Variants in NXPE1 observed in about 807,000 individuals in gnomAD.
The protein encoded by NXPE1 is neurexophilin and PC-esterase domain family member 1, also known as NXPE family member 1.
A neutral mutation model predicts 33.3 loss-of-function variants in NXPE1; 31 were observed. The observed-to-expected ratio is 0.93, with a 90% confidence interval of 0.70 to 1.26. The LOEUF is 1.26. Ranked by LOEUF, NXPE1 falls within the 50% of genes most tolerant of loss-of-function variation. The pLI is 0.00. For missense variants in NXPE1, 661 were observed against 655.6 expected (o/e 1.01, Z -0.09); for synonymous variants, 229 against 231.4 (o/e 0.99, Z 0.09).
intron 7 of NXPE1, among the ~76,000 whole-genome samples, chr11:114,524,275 TG>T (rs1947301203): frequency 6.7e-6 from 1 of 148,636 alleles, no homozygotes; most frequent in Non-Finnish European, 1.5e-5. Context: ...TAGCCACAAC[TG>T]GTTTCTATTA....
chr11:114,520,739 C>G (rs919462166), downstream of NXPE1, among the ~76,000 whole-genome samples: 1 of 152,050 alleles, frequency 6.6e-6, no homozygotes, highest in Non-Finnish European at 1.5e-5. Context: ...ATGAGAGTTC[C>G]CTTTGTGTGT....
At chr11:114,553,947 G>C in intron 1 of NXPE1, 1 of 985,358 alleles carries the variant, frequency 1.0e-6, no homozygotes, top group Non-Finnish European at 1.2e-6. Flanking sequence ...TGGGAGAGCA[G>C]GTTTGTCAGT....
At chr11:114,547,827 T>A (rs1240365866) in intron 5 of NXPE1, among the ~76,000 whole-genome samples, 1 of 152,114 alleles carries the variant, frequency 6.6e-6, no homozygotes. Flanking sequence ...ATCTGAATAA[T>A]ATATGGACTT....
At position 114,527,915 on chromosome 11, in the gene NXPE1, A is replaced by AG; in HGVS notation, c.834-15_834-14insC. The AG allele has an allele frequency of 7.8e-6, 12 of 1,531,586 alleles. No individual in the cohort carries two copies. The highest frequency in any genetic ancestry group is 1.1e-5 in the Non-Finnish European group (12 of 1,116,000). 94.9% of individuals were successfully genotyped at this position (1,531,586 alleles called of 1,614,324 possible). ...CCCACTTTGGACCTTCAAAAAAAAA[A>AG]TAGAACAATAAATTAGCCTGCTCTC... On this transcript the variant is annotated splice_polypyrimidine_tract_variant and intron_variant, in intron 6 of 8. Coordinates refer to ENST00000534921, the Ensembl canonical transcript of NXPE1.
chr11:114,522,170 C>T (rs1947229675), exon 9 of NXPE1: 5 of 1,613,908 alleles, frequency 3.1e-6, no homozygotes, highest in Non-Finnish European at 3.4e-6. Flanking sequence ...GTGCATCTCC[C>T]TGATGTTTTC....
chr11:114,552,291 A>G (rs78951471), intron 2 of NXPE1, among the ~76,000 whole-genome samples: 1 of 152,160 alleles, frequency 6.6e-6, no homozygotes, highest in Non-Finnish European at 1.5e-5. Flanking sequence ...TGTTGAGACC[A>G]AATGAATGAA....
At chr11:114,555,735 A>G (rs1948633593) in intron 1 of NXPE1, among the ~76,000 whole-genome samples, 1 of 152,106 alleles carries the variant, frequency 6.6e-6, no homozygotes, top group African/African-American at 2.4e-5. Flanking sequence ...GGCACTACAG[A>G]TGAGATTTCT....
intron 5 of NXPE1, among the ~76,000 whole-genome samples, chr11:114,542,464 T>A (rs1050651064): frequency 7.9e-5 from 12 of 152,180 alleles, no homozygotes; most frequent in African/African-American, 2.9e-4. Context: ...TATATTTATT[T>A]ACAGAAATAA....
intron 7 of NXPE1, 27 bp from the exon 8 acceptor site, chr11:114,523,118 T>C: frequency 6.5e-7 from 1 of 1,545,492 alleles, no homozygotes; most frequent in South Asian, 1.1e-5. Context: ...TCGTAAATGA[T>C]TTTATTGGCA....
intron 6 of NXPE1, among the ~76,000 whole-genome samples, chr11:114,528,625 A>G (rs1947456051): frequency 6.6e-6 from 1 of 152,166 alleles, no homozygotes; most frequent in African/African-American, 2.4e-5. Context: ...TAATAAATGT[A>G]CCTTACATTT....
chr11:114,543,500 T>C (rs966820608), intron 5 of NXPE1, among the ~76,000 whole-genome samples: 1 of 148,780 alleles, frequency 6.7e-6, no homozygotes, highest in Non-Finnish European at 1.5e-5. Flanking sequence ...CAGCCTGGGG[T>C]ACAGAGTGAG....
At position 114,551,363 on chromosome 11, in the gene NXPE1, C is replaced by A. The variant is rs1948476452; in HGVS notation, c.-11+20G>T. The A allele has an allele frequency of 2.1e-6, 3 of 1,403,174 alleles. No homozygotes were observed. The highest frequency in any genetic ancestry group is 1.6e-5 in the South Asian group (1 of 60,736). 86.9% of individuals were successfully genotyped at this position (1,403,174 alleles called of 1,614,324 possible). ...TCCCTCTGCTAACTAACAACTCATACCCCCAATCCCTTTGTCTACCTATTG... is the reference window on the plus strand; with the variant it reads ...TCCCTCTGCTAACTAACAACTCATAACCCCAATCCCTTTGTCTACCTATTG... On this transcript the variant is annotated intron_variant, in intron 4 of 8. Coordinates refer to ENST00000534921, the Ensembl canonical transcript of NXPE1.
intron 1 of NXPE1, chr11:114,553,622 T>G (rs1948577711): frequency 1.4e-6 from 1 of 704,536 alleles, no homozygotes; most frequent in Non-Finnish European, 1.7e-6. Context: ...CATAAGTAAC[T>G]GCAAATCAGA....
chr11:114,529,559 C>CG (rs1343615268), intron 6 of NXPE1: 1 of 151,796 alleles, frequency 6.6e-6, no homozygotes, highest in African/African-American at 2.4e-5. Context: ...GCCTGTTGAA[C>CG]CAGGGGTTTG....
intron 5 of NXPE1, among the ~76,000 whole-genome samples, chr11:114,542,224 A>AAAAT (rs1948123088): frequency 6.6e-6 from 1 of 152,142 alleles, no homozygotes; most frequent in Non-Finnish European, 1.5e-5. Flanking sequence ...CAAAATTTGT[A>AAAAT]GAGTAAAATG....
At chr11:114,521,354 T>C (rs1947207159), downstream of NXPE1, among the ~76,000 whole-genome samples, 1 of 152,228 alleles carries the variant, frequency 6.6e-6, no homozygotes, top group Non-Finnish European at 1.5e-5. Context: ...ATTAGTCTTT[T>C]TGATGCTAAA....
chr11:114,523,198 C>T, intron 7 of NXPE1, 107 bp from the exon 8 acceptor site: 1 of 757,386 alleles, frequency 1.3e-6, no homozygotes, highest in South Asian at 1.8e-5. Context: ...CCTGTAATGC[C>T]TATTTCCTTT....
intron 5 of NXPE1, among the ~76,000 whole-genome samples, chr11:114,542,850 A>G (rs913894289): frequency 6.6e-6 from 1 of 152,222 alleles, no homozygotes; most frequent in Admixed American, 6.5e-5. Context: ...AATAAACTAG[A>G]CCCTATGAAG....
intron 2 of NXPE1, among the ~76,000 whole-genome samples, 177 bp downstream of exon 2, chr11:114,552,675 A>G (rs935097724): frequency 1.4e-4 from 22 of 152,038 alleles, no homozygotes; most frequent in African/African-American, 5.1e-4. Context: ...TTTGTAAAGT[A>G]TGAGTTATAA....
Sources: gnomAD v4.1 joint callset for allele counts (sites outside exome capture counted in the v4.1 genomes callset) on GRCh38, gnomAD v4.1.1 for gene constraint, MANE v1.5 for transcripts, NCBI Gene and HGNC (gene_info 2026-07-23, HGNC 2026-07-21) for gene names.